The following GNG2 variants were observed in gnomAD, a reference collection of about 807,000 sequenced individuals.
GNG2 encodes G protein subunit gamma 2.
GNG2 carries 5 observed loss-of-function variants against 5.5 expected under a neutral mutation model. The ratio of observed to expected loss-of-function variants is 0.91; its 90% confidence interval spans 0.48 to 1.92. GNG2 has a LOEUF of 1.92. Ranked by LOEUF, GNG2 falls within the 30% of genes most tolerant of loss-of-function variation. GNG2 has a pLI of 0.01. For missense variants in GNG2, 55 were observed against 88.4 expected, an observed-to-expected ratio of 0.62 and a Z score of 1.52; for synonymous variants, 28 against 32.0, an observed-to-expected ratio of 0.88 and a Z score of 0.42.
At chr14:51,827,646 C>CATAT (rs1881063966) in intron 1 of GNG2, 1 of 696,254 alleles carries the variant, frequency 1.4e-6, no homozygotes, top group African/African-American at 1.8e-5. Flanking sequence ...TGTTCATCCA[C>CATAT]GTATATGTTT....
chr14:51,844,340 C>T (rs1881564277), intron 2 of GNG2, among the ~76,000 whole-genome samples: 1 of 152,218 alleles, frequency 6.6e-6, no homozygotes, highest in Non-Finnish European at 1.5e-5. Context: ...AACTCTCTCT[C>T]CCCAGGGTAA....
rs747771622 is a variant in GNG2, at chr14:51,837,596, G to A, written c.64+9789G>A. Among the ~76,000 whole-genome samples the A allele has an allele frequency of 1.9e-4, 28 of 150,776 alleles. 1 individual carries two copies. The South Asian group carries it at 2.1e-3, about 11-fold the overall frequency. On this transcript the variant is annotated intron_variant, in intron 2 of 3. Transcript: ENST00000553432. ...CAGGACGCAGAGGCCGCAGTGAGCT[G>A]AGATTGCACCACTGCATACCAGCCT... is the stretch of plus-strand genomic sequence containing the variant.
chr14:51,962,108 A>G (rs1189760065), intron 3 of GNG2, among the ~76,000 whole-genome samples: 2 of 152,204 alleles, frequency 1.3e-5, no homozygotes, highest in African/African-American at 2.4e-5. Flanking sequence ...GCTCAAGCCT[A>G]TGGTCTCCTT....
At chr14:51,946,828 C>A (rs573434753) in intron 2 of GNG2, among the ~76,000 whole-genome samples, 6 of 152,150 alleles carry the variant, frequency 3.9e-5, no homozygotes, top group Admixed American at 6.5e-5. Context: ...ACTGTCACCT[C>A]TTAGGAAAAT....
intron 1 of GNG2, among the ~76,000 whole-genome samples, chr14:51,871,123 G>A (rs1312724261): frequency 6.6e-6 from 1 of 152,016 alleles, no homozygotes; most frequent in African/African-American, 2.4e-5. Context: ...CATTTTAAAG[G>A]CTTTATTTGG....
intron 1 of GNG2, among the ~76,000 whole-genome samples, chr14:51,875,432 T>C (rs1010163669): frequency 6.6e-6 from 1 of 152,240 alleles, no homozygotes; most frequent in Non-Finnish European, 1.5e-5. Context: ...TATTGATATG[T>C]AGGTGCTTAG....
In GNG2 at chr14:51,921,208, T is replaced by C. The variant is rs189548593; in HGVS notation, c.-29-29442T>C. Among the ~76,000 whole-genome samples the C allele has an allele frequency of 6.8e-3, 1,032 of 152,314 alleles. 18 individuals are homozygous for C. The highest frequency in any genetic ancestry group is 0.024 in the African/African-American group (981 of 41,568). ...GTGACTAAGTACATTTCTTAACTTC[T>C]CTGTGCCTCCCGTTCCAAAACTGTA... On this transcript the variant is annotated intron_variant, in intron 2 of 3. Coordinates refer to ENST00000556766, the MANE Select transcript of GNG2 (RefSeq NM_053064.5).
At chr14:51,943,523 T>C (rs908908766) in intron 2 of GNG2, among the ~76,000 whole-genome samples, 1 of 152,238 alleles carries the variant, frequency 6.6e-6, no homozygotes, top group South Asian at 2.1e-4. Flanking sequence ...GACCCCATTA[T>C]GTTCACAAGG....
intron 2 of GNG2, among the ~76,000 whole-genome samples, chr14:51,906,192 C>T (rs1885904860): frequency 1.3e-5 from 2 of 152,386 alleles, no homozygotes; most frequent in South Asian, 4.1e-4. Flanking sequence ...TTTCCTACCA[C>T]CTGACCCTCA....
intron 2 of GNG2, among the ~76,000 whole-genome samples, chr14:51,918,747 G>A (rs1164381688): frequency 2.0e-5 from 3 of 152,306 alleles, no homozygotes; most frequent in African/African-American, 7.2e-5. Context: ...ATTGTAAAAG[G>A]GTTGAAATAA....
At chr14:51,826,474 A>T (rs192223143) in intron 1 of GNG2, among the ~76,000 whole-genome samples, 112 of 152,270 alleles carry the variant, frequency 7.4e-4, no homozygotes, top group Non-Finnish European at 1.1e-3. Flanking sequence ...GCATCTGCAG[A>T]TTTTGGTATT....
intron 2 of GNG2, among the ~76,000 whole-genome samples, chr14:51,931,778 G>T (rs183383942): frequency 6.3e-4 from 96 of 152,234 alleles, no homozygotes; most frequent in African/African-American, 2.0e-3. Context: ...CAGTATGGAG[G>T]TTCCTCAAAA....
At chr14:51,937,932 T>G (rs8011560) in intron 2 of GNG2, among the ~76,000 whole-genome samples, 8,653 of 152,186 alleles carry the variant, frequency 0.057, 495 homozygotes, top group East Asian at 0.27. Context: ...GTGCTAGGCT[T>G]GCAAGTTTAT....
intron 2 of GNG2, among the ~76,000 whole-genome samples, chr14:51,888,989 CA>C (rs941047298): frequency 2.8e-4 from 43 of 152,156 alleles, no homozygotes; most frequent in African/African-American, 9.9e-4. Context: ...TATATGATCC[CA>C]GGCACTGAAA....
rs1041494730 is a variant in GNG2, at chr14:51,912,010, C to T, written c.-30+34353C>T. The stretch of plus-strand genomic sequence containing the variant: ...AGGTACTTTACATATATTATTTACT[C>T]TTCACAAGCTCCCAGGAAATATGTG... On this transcript the variant is annotated intron_variant, in intron 2 of 3. Transcript: ENST00000556766. Among the ~76,000 whole-genome samples the T allele has an allele frequency of 3.4e-5, 5 of 148,136 alleles. No homozygotes were observed. The Admixed American group carries it at 3.4e-4, about 10-fold the overall frequency.
chr14:51,839,540 C>G (rs967135901), intron 2 of GNG2, among the ~76,000 whole-genome samples: 7 of 152,040 alleles, frequency 4.6e-5, no homozygotes, highest in Admixed American at 3.9e-4. Context: ...TTCTGTTTGG[C>G]TTAGTGATTT....
intron 2 of GNG2, among the ~76,000 whole-genome samples, chr14:51,830,689 T>C (rs11157862): frequency 0.55 from 83,596 of 152,092 alleles, 23,483 homozygotes; most frequent in Admixed American, 0.6. Context: ...CACTTCTCAT[T>C]ACCACTTCGA....
intron 2 of GNG2, among the ~76,000 whole-genome samples, chr14:51,910,228 G>A (rs564057822): frequency 6.6e-6 from 1 of 152,146 alleles, no homozygotes; most frequent in South Asian, 2.1e-4. Flanking sequence ...ATGAATTTGA[G>A]GTCATTAAGA....
chr14:51,880,589 A>G (rs1337374723), intron 2 of GNG2, among the ~76,000 whole-genome samples: 1 of 152,140 alleles, frequency 6.6e-6, no homozygotes, highest in East Asian at 1.9e-4. Context: ...TTTTTGTTGT[A>G]GCAAGTCCTC....
Sources: allele counts gnomAD v4.1 joint callset (sites outside exome capture counted in the v4.1 genomes callset), GRCh38; gene constraint gnomAD v4.1.1; transcripts MANE v1.5; gene names NCBI Gene and HGNC (gene_info 2026-07-23, HGNC 2026-07-21).